Variants in KCNQ5 observed in about 807,000 individuals in gnomAD.
The protein encoded by KCNQ5 is potassium voltage-gated channel subfamily Q member 5.
Under a neutral mutation model 98.2 loss-of-function variants are expected in KCNQ5, and 30 were observed. The ratio of observed to expected loss-of-function variants is 0.31; its 90% CI spans 0.23 to 0.41. The LOEUF (loss-of-function observed/expected upper bound fraction) is 0.41, where lower values mean the gene tolerates loss of function less well. Ranked by LOEUF, KCNQ5 falls within the 10% of genes least tolerant of loss-of-function variation. The pLI is 1.00. For missense variants in KCNQ5, 835 were observed against 1,182.5 expected (o/e 0.71, Z 4.31); for synonymous variants, 458 against 449.4 (o/e 1.02, Z -0.24).
intron 10 of KCNQ5, among the ~76,000 whole-genome samples, chr6:73,159,874 A>C (rs1253986463): frequency 6.6e-6 from 1 of 152,184 alleles, no homozygotes; most frequent in African/African-American, 2.4e-5. Context: ...GGGTAGCACC[A>C]TGTTCTGTCT....
chr6:73,076,183 A>G (rs1773532735), intron 3 of KCNQ5, among the ~76,000 whole-genome samples: 1 of 152,166 alleles, frequency 6.6e-6, no homozygotes. Context: ...ACACCAGGAG[A>G]CCAGACCTTT....
chr6:72,977,210 G>A (rs1225971425), intron 1 of KCNQ5, among the ~76,000 whole-genome samples: 1 of 152,186 alleles, frequency 6.6e-6, no homozygotes, highest in African/African-American at 2.4e-5. Flanking sequence ...AGGAGAAGTA[G>A]TGAGGATGTG....
intron 1 of KCNQ5, among the ~76,000 whole-genome samples, chr6:72,995,368 CAAAAA>C (rs376273426): frequency 1.4e-5 from 1 of 70,194 alleles, no homozygotes; most frequent in Non-Finnish European, 3.1e-5. Context: ...AACTCTGTCT[CAAAAA>C]AAAAAAAAAA....
intron 1 of KCNQ5, among the ~76,000 whole-genome samples, chr6:72,736,599 A>G (rs1348698327): frequency 2.2e-5 from 3 of 138,726 alleles, no homozygotes; most frequent in South Asian, 2.3e-4. Flanking sequence ...TCCCGGGTTC[A>G]CGCCATTCTC....
At chr6:72,987,076 G>A (rs1768815674) in intron 1 of KCNQ5, 6 of 685,284 alleles carry the variant, frequency 8.8e-6, no homozygotes, top group African/African-American at 1.8e-5. Flanking sequence ...CCTAGGAAAG[G>A]AAGTAAAACG....
intron 2 of KCNQ5, among the ~76,000 whole-genome samples, chr6:73,024,704 T>C (rs1384949931): frequency 2.0e-5 from 3 of 152,230 alleles, no homozygotes; most frequent in Admixed American, 2.0e-4. Flanking sequence ...CTATAGTGAC[T>C]AGCAGCTTTT....
At chr6:73,052,301 C>T (rs577750205) in intron 3 of KCNQ5, among the ~76,000 whole-genome samples, 142 of 152,198 alleles carry the variant, frequency 9.3e-4, no homozygotes, top group Non-Finnish European at 1.6e-3. Context: ...AAGCAAGCAA[C>T]TTGGAGAACA....
chr6:72,743,120 A>ATATTT (rs1554153435), intron 1 of KCNQ5, among the ~76,000 whole-genome samples: 1 of 152,290 alleles, frequency 6.6e-6, no homozygotes, highest in African/African-American at 2.4e-5. Context: ...TTTTAGGTGT[A>ATATTT]TTTTGAGCTA....
At chr6:72,654,830 A>C (rs539111993) in intron 1 of KCNQ5, among the ~76,000 whole-genome samples, 9 of 152,216 alleles carry the variant, frequency 5.9e-5, no homozygotes, top group African/African-American at 2.2e-4. Context: ...ATTTTCATTA[A>C]AATAAAGGTA....
At chr6:72,628,103 G>C (rs1484736712) in intron 1 of KCNQ5, among the ~76,000 whole-genome samples, 2 of 152,188 alleles carry the variant, frequency 1.3e-5, no homozygotes, top group Non-Finnish European at 2.9e-5. Context: ...TGCCTAACAA[G>C]GTGCCTTGTG....
At chr6:72,882,557 A>G (rs903744128) in intron 1 of KCNQ5, among the ~76,000 whole-genome samples, 3 of 152,240 alleles carry the variant, frequency 2.0e-5, no homozygotes, top group African/African-American at 7.2e-5. Flanking sequence ...GTGTTCAGGG[A>G]AAGTCCAAGA....
intron 1 of KCNQ5, among the ~76,000 whole-genome samples, chr6:72,714,803 T>G (rs1344855945): frequency 6.6e-6 from 1 of 152,182 alleles, no homozygotes; most frequent in Non-Finnish European, 1.5e-5. Flanking sequence ...GATTTCCTCT[T>G]AATATCTTGA....
At chr6:72,638,089 C>T (rs73533649) in intron 1 of KCNQ5, among the ~76,000 whole-genome samples, 5,847 of 152,180 alleles carry the variant, frequency 0.038, 124 homozygotes, top group Middle Eastern at 0.12. Flanking sequence ...AAAGGTAGGA[C>T]AGGAAGCATA....
chr6:72,984,312 C>A (rs1456884284), intron 1 of KCNQ5, among the ~76,000 whole-genome samples: 1 of 152,212 alleles, frequency 6.6e-6, no homozygotes, highest in Non-Finnish European at 1.5e-5. Flanking sequence ...GCCCTGCCCC[C>A]AGAGGTGGAG....
At chr6:72,863,458 T>C (rs1180757768) in intron 1 of KCNQ5, among the ~76,000 whole-genome samples, 2 of 152,216 alleles carry the variant, frequency 1.3e-5, no homozygotes, top group African/African-American at 2.4e-5. Context: ...CAGATTCCTG[T>C]TTTTGCATAA....
At chr6:73,075,431 C>G (rs1773493197) in intron 3 of KCNQ5, among the ~76,000 whole-genome samples, 1 of 152,102 alleles carries the variant, frequency 6.6e-6, no homozygotes, top group Admixed American at 6.6e-5. Flanking sequence ...CCATGTTGGC[C>G]AGGATGGTCT....
chr6:72,802,231 TG>T (rs1774698149), intron 1 of KCNQ5, among the ~76,000 whole-genome samples: 1 of 152,146 alleles, frequency 6.6e-6, no homozygotes, highest in South Asian at 2.1e-4. Context: ...TTTTCCAACT[TG>T]GTTCCATTCT....
intron 2 of KCNQ5, 30 bp downstream of exon 2, chr6:73,004,028 G>T (rs764238856): frequency 1.1e-5 from 14 of 1,308,338 alleles, no homozygotes; most frequent in African/African-American, 1.5e-5. Context: ...GAACGTACAT[G>T]AATGTTGTAT....
At chr6:72,807,526 T>C (rs1775016053) in intron 1 of KCNQ5, among the ~76,000 whole-genome samples, 1 of 152,152 alleles carries the variant, frequency 6.6e-6, no homozygotes. Context: ...TTATTTGTTT[T>C]AGTGACAGAG....
Sources: gnomAD v4.1 joint callset for allele counts (sites outside exome capture counted in the v4.1 genomes callset) on GRCh38, gnomAD v4.1.1 for gene constraint, MANE v1.5 for transcripts, NCBI Gene and HGNC (gene_info 2026-07-23, HGNC 2026-07-21) for gene names.